Variants in GDF5 observed in about 807,000 individuals in gnomAD.
GDF5 encodes the protein growth differentiation factor 5.
Under a neutral mutation model 34.6 loss-of-function variants are expected in GDF5, and 17 were observed. That is an observed-to-expected ratio of 0.49 (90% CI 0.34 to 0.74). The LOEUF is 0.74. Ranked by LOEUF, GDF5 falls within the 30% of genes least tolerant of loss-of-function variation. GDF5 has a pLI of 0.01. For missense variants in GDF5, 616 were observed against 661.2 expected (o/e 0.93, Z 0.75); for synonymous variants, 332 against 290.7 (o/e 1.14, Z -1.44).
In GDF5 at chr20:35,450,140, T is replaced by TG. The variant is rs61453768; in HGVS notation, c.-398+4499dup. Reference sequence around the variant, plus strand: ...TAACATGGTGAAACCCCATCTCTACTGAAAAAAAAAAAAAAAGCTGGGTGT... The same window carrying TG: ...TAACATGGTGAAACCCCATCTCTACTGGAAAAAAAAAAAAAAAGCTGGGTGT... On this transcript the variant is annotated intron_variant, in intron 1 of 3. Coordinates refer to the GDF5 transcript ENST00000374372. 6.4e-3 allele frequency among the ~76,000 whole-genome samples: 906 copies of TG among 142,320 alleles called. 12 individuals carry two copies. The highest frequency in any genetic ancestry group is 0.043 in the East Asian group (210 of 4,876). The allele number at this position is 142,320 out of a possible 152,430, so 93.4% of individuals were successfully genotyped here.
At chr20:35,441,688 T>G (rs749139512), upstream of GDF5, among the ~76,000 whole-genome samples, 97 of 151,050 alleles carry the variant, frequency 6.4e-4, no homozygotes, top group Non-Finnish European at 9.6e-4. Flanking sequence ...CTCCTGACCT[T>G]GTGATCTGCC....
At chr20:35,437,039 G>A (rs371119202) in intron 1 of GDF5, among the ~76,000 whole-genome samples, 92 of 152,338 alleles carry the variant, frequency 6.0e-4, no homozygotes, top group African/African-American at 1.7e-3. Context: ...GGCAGGTCTT[G>A]TCTCTTCTCT....
At position 35,451,050 on chromosome 20, in the gene GDF5, A is replaced by ATATATATATATATATAT. The variant is rs1289781571; in HGVS notation, c.-398+3589_-398+3590insATATATATATATATATA. On this transcript the variant is annotated intron_variant, in intron 1 of 3. Coordinates refer to the GDF5 transcript ENST00000374372. ...CAGATTTTAGACTAACAGAAAAAAA[A>ATATATATATATATATAT]AAAAAAAAAAAAAAATATATATATA... 5.2e-5 allele frequency among the ~76,000 whole-genome samples: 3 copies of ATATATATATATATATAT among 57,530 alleles called. No homozygotes were observed. In the South Asian group the frequency reaches 1.8e-3, roughly 35 times the overall value. 37.7% of individuals were successfully genotyped at this position (57,530 alleles called of 152,430 possible).
upstream of GDF5, among the ~76,000 whole-genome samples, chr20:35,438,869 C>CTG (rs1223322183): frequency 1.5e-4 from 6 of 40,662 alleles, no homozygotes; most frequent in Non-Finnish European, 2.4e-4. Flanking sequence ...GTTTATGTGC[C>CTG]TGTGTGTGTG....
intron 1 of GDF5, chr20:35,453,845 T>C: frequency 1.9e-6 from 1 of 520,702 alleles, no homozygotes; most frequent in Non-Finnish European, 4.0e-6. Flanking sequence ...ACTCAGCACT[T>C]ATTGAGCACC....
chr20:35,447,546 A>G (rs1217430558), intron 1 of GDF5, among the ~76,000 whole-genome samples: 11 of 152,216 alleles, frequency 7.2e-5, no homozygotes, highest in Non-Finnish European at 1.5e-4. Context: ...TTGTGGGTAG[A>G]GGGGTGTGAA....
chr20:35,442,733 CG>C (rs2062502057), upstream of GDF5, among the ~76,000 whole-genome samples: 1 of 148,352 alleles, frequency 6.7e-6, no homozygotes, highest in Non-Finnish European at 1.5e-5. Context: ...TTTGTGGAGA[CG>C]GGGGTTTCAC....
Position 35,451,049 on chromosome 20 carries a change from AAAAAAAAAAAAAAAAATATATATATAT to A in GDF5, c.-398+3564_-398+3590del, listed in dbSNP as rs1261512655. ...ACAGATTTTAGACTAACAGAAAAAA[AAAAAAAAAAAAAAAAATATATATATAT>A]ATATATATATATATATACACAAATA... On this transcript the variant is annotated intron_variant, in intron 1 of 3. Transcript: ENST00000374372. Among the ~76,000 whole-genome samples the A allele has an allele frequency of 2.6e-4, 22 of 83,602 alleles. 2 individuals are homozygous for A. The highest frequency in any genetic ancestry group is 6.5e-4 in the East Asian group (2 of 3,076). The allele number at this position is 83,602 out of a possible 152,430, so 54.8% of individuals were successfully genotyped here. A position where few individuals can be genotyped will look rare whatever the true frequency, so the allele number is the denominator to read the frequency against.
At chr20:35,442,879 G>C (rs1488643036), upstream of GDF5, among the ~76,000 whole-genome samples, 1 of 151,992 alleles carries the variant, frequency 6.6e-6, no homozygotes, top group African/African-American at 2.4e-5. Flanking sequence ...ATAAATTTAG[G>C]TTCAGAAAGG....
In GDF5 at chr20:35,434,103, G is replaced by A. The variant is rs906176970; in HGVS notation, c.1312C>T (p.Arg438Cys). Residue 438 changes from arginine to cysteine, a missense_variant, in exon 2 of 2, where the codon CGC becomes TGC. Coordinates refer to ENST00000374369, the MANE Select transcript of GDF5 (RefSeq NM_000557.5). ...HCEGLCEFPL[R>C]SHLEPTNHAV... The stretch of plus-strand genomic sequence containing the variant: ...TGATTCGTGGGCTCCAGGTGGGAGC[G>A]CAATGGGAACTCGCACAGCCCCTCG... 2 of 1,613,882 alleles carry A rather than the reference G, an allele frequency of 1.2e-6. No homozygotes were observed. Among genetic ancestry groups the A allele is most frequent in the Non-Finnish European group, 1.7e-6 (2 of 1,179,848 alleles).
Position 35,433,592 on chromosome 20 carries a change from G to C in GDF5, c.*317C>G. The stretch of plus-strand genomic sequence containing the variant: ...CAGAGGCTGAGAAGGCCCAGGTGAG[G>C]AGAAATGGTGGGCTGAGTCTCATCG... On this transcript the variant is annotated 3_prime_UTR_variant, in exon 2 of 2. Coordinates refer to ENST00000374369, the MANE Select transcript of GDF5 (RefSeq NM_000557.5). 1 of 409,552 alleles carries C rather than the reference G, an allele frequency of 2.4e-6. No individual in the cohort carries two copies. The highest frequency in any genetic ancestry group is 4.6e-6 in the Non-Finnish European group (1 of 215,896). The allele number at this position is 409,552 out of a possible 1,614,324, so 25.4% of individuals were successfully genotyped here.
At chr20:35,450,008 G>A (rs2062525505) in intron 1 of GDF5, among the ~76,000 whole-genome samples, 1 of 150,942 alleles carries the variant, frequency 6.6e-6, no homozygotes, top group African/African-American at 2.4e-5. Context: ...AAAAAAGAGA[G>A]AGAGAGAGAA....
chr20:35,451,051 A>ATATATATATAT (rs1483469021), intron 1 of GDF5, among the ~76,000 whole-genome samples: 19,537 of 34,656 alleles, frequency 0.56, 5,464 homozygotes, highest in Non-Finnish European at 0.69. Context: ...AGAAAAAAAA[A>ATATATATATAT]AAAAAAAAAA....
intron 1 of GDF5, chr20:35,454,084 C>T (rs760095413): frequency 5.7e-5 from 28 of 492,590 alleles, no homozygotes; most frequent in Non-Finnish European, 1.1e-4. Context: ...TTAATTCCTA[C>T]TAAAAATTGA....
At position 35,434,526 on chromosome 20, in the gene GDF5, A is replaced by G. The variant is rs1011038250; in HGVS notation, c.889T>C (p.Trp297Arg). Reference protein sequence around the residue: ...DGSGWEVFDIWKLFRNFKNSA... With the variant: ...DGSGWEVFDIRKLFRNFKNSA... Reference sequence around the variant, plus strand: ...TTCTTAAAGTTTCGGAAGAGCTTCCAGATGTCGAACACCTCCCAGCCAGAT... The same window carrying G: ...TTCTTAAAGTTTCGGAAGAGCTTCCGGATGTCGAACACCTCCCAGCCAGAT... The change falls in exon 2 of 2, where the codon TGG becomes CGG. Residue 297 changes from tryptophan (W) to arginine (R), a missense_variant. Trp to Arg is a moderately radical substitution (Grantham distance 101). Coordinates refer to ENST00000374369, the MANE Select transcript of GDF5 (RefSeq NM_000557.5). 2.6e-5 allele frequency: 41 copies of G among 1,603,762 alleles called. No individual in the cohort carries two copies. The highest frequency in any genetic ancestry group is 3.4e-5 in the Non-Finnish European group (40 of 1,174,252).
chr20:35,433,877 G>A lies in GDF5; in HGVS notation c.*32C>T. The A allele has an allele frequency of 6.3e-7, 1 of 1,596,370 alleles. No homozygotes were observed. Among genetic ancestry groups the A allele is most frequent in the Non-Finnish European group, 8.6e-7 (1 of 1,164,032 alleles). ...GAGTGCAGGAAGGGGCTCTTGGGAT[G>A]TGCCACCCAGGAAGACAGAGGGCCA... On this transcript the variant is annotated 3_prime_UTR_variant, in exon 2 of 2. Transcript: ENST00000374369.
chr20:35,444,999 G>A (rs1043397326), intron 1 of GDF5, among the ~76,000 whole-genome samples: 4 of 152,180 alleles, frequency 2.6e-5, no homozygotes, highest in African/African-American at 4.8e-5. Flanking sequence ...CTCCCAAAGC[G>A]CTGGGATTAC....
chr20:35,447,486 C>T (rs987473462), intron 1 of GDF5, among the ~76,000 whole-genome samples: 1 of 152,144 alleles, frequency 6.6e-6, no homozygotes, highest in African/African-American at 2.4e-5. Context: ...AATACCTGTA[C>T]TACAATCTGA....
At chr20:35,439,387 C>CT (rs1200883452), upstream of GDF5, among the ~76,000 whole-genome samples, 3 of 152,220 alleles carry the variant, frequency 2.0e-5, no homozygotes, top group South Asian at 2.1e-4. Flanking sequence ...GCCACCACAC[C>CT]TGGCTGATTT....
Sources: gnomAD v4.1 joint callset for allele counts (sites outside exome capture counted in the v4.1 genomes callset) on GRCh38, gnomAD v4.1.1 for gene constraint, MANE v1.5 for transcripts, NCBI Gene and HGNC (gene_info 2026-07-23, HGNC 2026-07-21) for gene names.